The following NFKBID variants were observed in gnomAD, a reference collection of about 807,000 sequenced individuals.
The protein encoded by NFKBID is NFKB inhibitor delta, also known as NF-kappa-B inhibitor delta.
A neutral mutation model predicts 53.4 loss-of-function variants in NFKBID; 26 were observed. That is an observed-to-expected ratio of 0.49 (90% CI 0.36 to 0.68). The LOEUF (loss-of-function observed/expected upper bound fraction) is 0.68, where lower values mean the gene tolerates loss of function less well. Among genes scored for constraint, NFKBID ranks in the 30% least tolerant of loss-of-function variants. The pLI, the probability that NFKBID is intolerant of heterozygous loss-of-function variation, is 0.00. For synonymous variants in NFKBID, 262 were observed against 259.8 expected (o/e 1.01, Z -0.08); for missense variants, 493 against 614.1 (o/e 0.80, Z 2.08).
intron 9 of NFKBID, chr19:35,890,770 A>G (rs970850399): frequency 3.6e-5 from 15 of 420,658 alleles, no homozygotes; most frequent in Admixed American, 9.3e-5. Flanking sequence ...AGGCTGAGGC[A>G]GGAGGTTCAT....
intron 9 of NFKBID, among the ~76,000 whole-genome samples, chr19:35,892,807 A>G (rs892593310): frequency 6.6e-6 from 1 of 152,178 alleles, no homozygotes; most frequent in Non-Finnish European, 1.5e-5. Context: ...TTTACTTATC[A>G]TCTCCTCTCT....
intron 4 of NFKBID, 112 bp downstream of exon 4, chr19:35,897,539 C>T (rs374173609): frequency 7.4e-5 from 53 of 713,866 alleles, no homozygotes; most frequent in East Asian, 9.9e-5. Flanking sequence ...CCACCACGCC[C>T]GGCCTGGAAA....
At chr19:35,890,221 T>C (rs978988913) in intron 10 of NFKBID, among the ~76,000 whole-genome samples, 153 bp downstream of exon 10, 2 of 152,118 alleles carry the variant, frequency 1.3e-5, no homozygotes, top group African/African-American at 4.8e-5. Context: ...ACGGACTACA[T>C]GTTCTGGGGC....
Position 35,896,269 on chromosome 19 carries a change from C to A in NFKBID, c.832G>T (p.Ala278Ser). The change falls in exon 8 of 12, where the codon GCT (alanine) becomes TCT (serine). Residue 278 changes from alanine to serine, a missense_variant and splice_region_variant. This residue lies in a region of NFKBID where 267 missense variants were observed against 384.6 expected (regional missense o/e 0.69). Transcript: ENST00000641389. This position sits in a 1 kb window ranked among gnomAD's most constrained non-coding sequence, Gnocchi z 5.7. ...ACCTGGACCCCAGAGTTAAGCACAG[C>A]CTGGGAGGAAGAGAAGGCAGACTGC... The A allele has an allele frequency of 1.2e-6, 2 of 1,614,198 alleles. No individual in the cohort carries two copies. Among genetic ancestry groups the A allele is most frequent in the Non-Finnish European group, 1.7e-6 (2 of 1,180,038 alleles).
intron 9 of NFKBID, chr19:35,890,798 CGGCTGCAGT>C: frequency 2.6e-6 from 1 of 380,814 alleles, no homozygotes; most frequent in South Asian, 2.0e-5. Context: ...TAGGAGTTCA[CGGCTGCAGT>C]GGGCCATGAC....
At chr19:35,893,561 C>A (rs1340709862) in intron 9 of NFKBID, among the ~76,000 whole-genome samples, 1 of 152,232 alleles carries the variant, frequency 6.6e-6, no homozygotes, top group Non-Finnish European at 1.5e-5. Context: ...TGGCTCACGC[C>A]TGTAATCCCA....
chr19:35,896,611 C>G lies in NFKBID; in HGVS notation c.685-73G>C, dbSNP rs1220326677. The G allele has an allele frequency of 2.2e-4, 309 of 1,380,290 alleles. No homozygotes were observed. Among genetic ancestry groups the G allele is most frequent in the Non-Finnish European group, 2.9e-4 (286 of 976,876 alleles). The allele number at this position is 1,380,290 out of a possible 1,614,324, so 85.5% of individuals were successfully genotyped here. ...CAGAAAACCAGGCTCCCAGCCCCATCCCCCCTCAGCCCCAGGAGCTCACCC... is the reference window on the plus strand; with the variant it reads ...CAGAAAACCAGGCTCCCAGCCCCATGCCCCCTCAGCCCCAGGAGCTCACCC... On this transcript the variant is annotated intron_variant, in intron 6 of 11. Coordinates refer to ENST00000641389, the Ensembl canonical transcript of NFKBID. This position sits in a 1 kb window ranked among gnomAD's most constrained non-coding sequence, Gnocchi z 5.7.
In NFKBID at chr19:35,896,295, T is replaced by C; in HGVS notation, c.832-26A>G. 6.2e-7 allele frequency: 1 copy of C among 1,614,124 alleles called. No homozygotes were observed. Among genetic ancestry groups the C allele is most frequent in the Non-Finnish European group, 8.5e-7 (1 of 1,179,976 alleles). On this transcript the variant is annotated intron_variant, in intron 7 of 11. Coordinates refer to ENST00000641389, the Ensembl canonical transcript of NFKBID. The surrounding 1 kb of genome is among the most constrained non-coding windows in gnomAD (Gnocchi z 5.7). ...CTGGGAGGAAGAGAAGGCAGACTGC[T>C]GGGTAAGGGTATCCCCTGGCCTCCT...
chr19:35,896,827 G>A lies in NFKBID; in HGVS notation c.583C>T (p.Leu195Phe). ...AGCCCCCGAGCCGCAAACAGGTGAA[G>A]GAGCCTGAGGACAGGTGGGGGACAG... Residue 195 changes from leucine (L) to phenylalanine (F), a missense_variant, in exon 6 of 12, where the codon CTT becomes TTT. This residue lies in a region of NFKBID where 267 missense variants were observed against 384.6 expected (regional missense o/e 0.69). Coordinates refer to ENST00000641389, the Ensembl canonical transcript of NFKBID. The surrounding 1 kb of genome is among the most constrained non-coding windows in gnomAD (Gnocchi z 5.7). The A allele has an allele frequency of 6.2e-7, 1 of 1,614,134 alleles. No homozygotes were observed. Among genetic ancestry groups the A allele is most frequent in the Non-Finnish European group, 8.5e-7 (1 of 1,179,994 alleles).
At chr19:35,899,982 C>T (rs1362977654) in intron 1 of NFKBID, among the ~76,000 whole-genome samples, 1 of 134,406 alleles carries the variant, frequency 7.4e-6, no homozygotes, top group Non-Finnish European at 1.5e-5. Flanking sequence ...AATCCCAGGG[C>T]GGGGCAGAGG....
intron 10 of NFKBID, 114 bp from the exon 11 acceptor site, chr19:35,890,168 G>A: frequency 8.6e-7 from 1 of 1,157,526 alleles, no homozygotes; most frequent in South Asian, 1.4e-5. Flanking sequence ...TCACATCCCA[G>A]ACCTCCCCCG....
chr19:35,897,235 A>G (rs954133028), intron 4 of NFKBID, 177 bp from the exon 5 acceptor site: 28 of 617,004 alleles, frequency 4.5e-5, no homozygotes, highest in Non-Finnish European at 6.7e-5. Context: ...TTTAGGCCTC[A>G]GTTTTGCCCA....
rs145336850 is a variant in NFKBID at position 35,891,343 on chromosome 19, C to T, written c.1033-853G>A. Among the ~76,000 whole-genome samples the T allele has an allele frequency of 3.5e-3, 531 of 152,204 alleles. 10 individuals are homozygous for T. The East Asian group carries it at 0.058, about 17-fold the overall frequency. On this transcript the variant is annotated intron_variant, in intron 9 of 11. Transcript: ENST00000641389. ...ATGTGCTGATAACAGGGCAAAACCA[C>T]CTAGTTTGCTCGTCCAAAAAATGAT...
chr19:35,896,173 GC>G lies in NFKBID; in HGVS notation c.883+44del. On this transcript the variant is annotated intron_variant, in intron 8 of 11. Coordinates refer to ENST00000641389, the Ensembl canonical transcript of NFKBID. This position sits in a 1 kb window ranked among gnomAD's most constrained non-coding sequence, Gnocchi z 5.7. ...AGGGACCCGCATCTGCACCCACCTC[GC>G]CCAGCCACACCAACCACACCAGCCC... is the stretch of plus-strand genomic sequence containing the variant. The G allele has an allele frequency of 1.9e-6, 3 of 1,612,936 alleles. No individual in the cohort carries two copies. The highest frequency in any genetic ancestry group is 2.5e-6 in the Non-Finnish European group (3 of 1,179,510).
At chr19:35,893,597 G>C (rs914164449) in intron 9 of NFKBID, among the ~76,000 whole-genome samples, 2 of 152,122 alleles carry the variant, frequency 1.3e-5, no homozygotes, top group African/African-American at 4.8e-5. Flanking sequence ...GAGGCGGGTG[G>C]ATCACGAGGT....
exon 12 of NFKBID, chr19:35,888,278 G>A (rs1039250967): frequency 2.5e-6 from 1 of 407,376 alleles, no homozygotes; most frequent in Non-Finnish European, 4.5e-6. Flanking sequence ...GATCTCAGTG[G>A]GGAAAGGACT....
chr19:35,891,437 T>C (rs1254343821), intron 9 of NFKBID, among the ~76,000 whole-genome samples: 1 of 152,192 alleles, frequency 6.6e-6, no homozygotes, highest in African/African-American at 2.4e-5. Context: ...TGTGTGCTTA[T>C]TTGGATCTTG....
chr19:35,900,808 T>A, upstream of NFKBID: 1 of 343,838 alleles, frequency 2.9e-6, no homozygotes, highest in Admixed American at 4.8e-5. Flanking sequence ...TTTTCTTTTC[T>A]TTTTCTTTTT....
intron 11 of NFKBID, 24 bp from the exon 12 acceptor site, chr19:35,888,636 G>T: frequency 6.4e-7 from 1 of 1,562,402 alleles, no homozygotes; most frequent in Non-Finnish European, 8.7e-7. Flanking sequence ...AAAGGAGGGA[G>T]AGAAGTCTGT....
Sources: gnomAD v4.1 joint callset for allele counts (sites outside exome capture counted in the v4.1 genomes callset) on GRCh38, gnomAD v4.1.1 for gene constraint, gnomAD v4.1.1 regional missense constraint, Gnocchi (gnomAD v3.1) non-coding constraint, MANE v1.5 for transcripts, NCBI Gene and HGNC (gene_info 2026-07-23, HGNC 2026-07-21) for gene names.